The following GPM6A variants were observed in gnomAD, a reference collection of about 807,000 sequenced individuals.
GPM6A encodes the protein neuronal membrane glycoprotein M6-a.
GPM6A carries 7 observed loss-of-function variants against 32.1 expected under a neutral mutation model. That is an observed-to-expected ratio of 0.22 (90% CI 0.12 to 0.41). The LOEUF (loss-of-function observed/expected upper bound fraction) is 0.41. Ranked by LOEUF, GPM6A falls within the 10% of genes least tolerant of loss-of-function variation. GPM6A has a pLI of 1.00. For missense variants in GPM6A, 235 were observed against 347.2 expected, an observed-to-expected ratio of 0.68 and a Z score of 2.57; for synonymous variants, 130 against 123.4, an observed-to-expected ratio of 1.05 and a Z score of -0.35.
chr4:175,721,113 A>T (rs1379069979), intron 1 of GPM6A, among the ~76,000 whole-genome samples: 3 of 143,744 alleles, frequency 2.1e-5, no homozygotes, highest in Non-Finnish European at 3.0e-5. Flanking sequence ...ATATATATAT[A>T]TTTTCTATTT....
chr4:175,805,312 A>C (rs1190194693), intron 1 of GPM6A, among the ~76,000 whole-genome samples: 1 of 152,208 alleles, frequency 6.6e-6, no homozygotes, highest in Admixed American at 6.5e-5. Context: ...TCACCATTCA[A>C]ATAACCTTTC....
chr4:175,677,134 TTTG>T (rs1371830273), intron 2 of GPM6A, among the ~76,000 whole-genome samples: 6 of 152,268 alleles, frequency 3.9e-5, no homozygotes, highest in African/African-American at 9.6e-5. Flanking sequence ...AAAAACTGCA[TTTG>T]TTGTTGTTTT....
intron 1 of GPM6A, among the ~76,000 whole-genome samples, chr4:175,792,341 A>G (rs930032242): frequency 6.6e-6 from 1 of 152,166 alleles, no homozygotes; most frequent in African/African-American, 2.4e-5. Flanking sequence ...ATTTTATTCT[A>G]AAGTTTTACA....
At chr4:175,737,319 T>C (rs1406191599) in intron 1 of GPM6A, among the ~76,000 whole-genome samples, 2 of 151,934 alleles carry the variant, frequency 1.3e-5, no homozygotes, top group African/African-American at 4.8e-5. Flanking sequence ...CCTGCACGCC[T>C]ATAATCCTGC....
At chr4:175,829,078 C>A (rs6846507) in intron 1 of GPM6A, among the ~76,000 whole-genome samples, 123,931 of 152,004 alleles carry the variant, frequency 0.82, 52,397 homozygotes, top group Middle Eastern at 0.95. Context: ...CATGTGCCAG[C>A]GTGCAGCATG....
intron 1 of GPM6A, among the ~76,000 whole-genome samples, chr4:175,863,149 GTA>G (rs1348846989): frequency 6.6e-6 from 1 of 152,008 alleles, no homozygotes; most frequent in Non-Finnish European, 1.5e-5. Flanking sequence ...CTTCAAATGT[GTA>G]TGCATATATT....
intron 1 of GPM6A, chr4:175,906,731 T>A (rs1381393630): frequency 6.6e-6 from 1 of 152,180 alleles, no homozygotes; most frequent in Non-Finnish European, 1.5e-5. Flanking sequence ...CAAGCACATC[T>A]TTCCCTTCTC....
intron 1 of GPM6A, among the ~76,000 whole-genome samples, chr4:175,780,129 C>T (rs889678937): frequency 4.0e-5 from 6 of 151,298 alleles, no homozygotes; most frequent in African/African-American, 1.5e-4. Context: ...CTCACTGCAA[C>T]CTCCGCCTCC....
intron 1 of GPM6A, among the ~76,000 whole-genome samples, chr4:175,995,696 T>C (rs994691922): frequency 6.6e-6 from 1 of 152,206 alleles, no homozygotes; most frequent in Non-Finnish European, 1.5e-5. Context: ...TAAGGTATTT[T>C]AGCTAGGCAA....
At chr4:175,675,487 T>G (rs1560867959) in intron 2 of GPM6A, among the ~76,000 whole-genome samples, 1 of 152,094 alleles carries the variant, frequency 6.6e-6, no homozygotes, top group Non-Finnish European at 1.5e-5. Flanking sequence ...AATATATAAG[T>G]ACTTGTTGAT....
chr4:175,764,950 C>T (rs928704032), intron 1 of GPM6A, among the ~76,000 whole-genome samples: 29 of 151,366 alleles, frequency 1.9e-4, no homozygotes, highest in African/African-American at 6.3e-4. Flanking sequence ...CTCAGCTCAC[C>T]GCAAACTCTG....
chr4:175,936,306 C>CAAAAAA (rs35653197), intron 1 of GPM6A, among the ~76,000 whole-genome samples: 518 of 45,646 alleles, frequency 0.011, 62 homozygotes, highest in African/African-American at 0.02. Context: ...ACTCTGTCTC[C>CAAAAAA]AAAAAAAAAA....
chr4:175,740,510 C>T (rs1486571701), intron 1 of GPM6A, among the ~76,000 whole-genome samples: 1 of 151,892 alleles, frequency 6.6e-6, no homozygotes, highest in Non-Finnish European at 1.5e-5. Flanking sequence ...CTCTCATTTT[C>T]TGTTTTCTTA....
upstream of GPM6A, among the ~76,000 whole-genome samples, chr4:175,816,991 C>T (rs1735123455): frequency 6.6e-6 from 1 of 152,114 alleles, no homozygotes; most frequent in Non-Finnish European, 1.5e-5. Flanking sequence ...TCCCGAGGAG[C>T]TGGGACTACA....
intron 1 of GPM6A, chr4:175,872,876 A>G (rs908453553): frequency 4.6e-5 from 7 of 152,168 alleles, no homozygotes; most frequent in African/African-American, 1.7e-4. Flanking sequence ...CTTTCTAACA[A>G]GTCTTATTAG....
At chr4:175,853,053 T>C (rs1384799334) in intron 1 of GPM6A, among the ~76,000 whole-genome samples, 1 of 152,138 alleles carries the variant, frequency 6.6e-6, no homozygotes, top group Non-Finnish European at 1.5e-5. Flanking sequence ...TTTAGGGAAC[T>C]TGAATCCCAC....
chr4:175,972,919 G>A (rs1015920697), intron 1 of GPM6A, among the ~76,000 whole-genome samples: 10 of 152,168 alleles, frequency 6.6e-5, no homozygotes, highest in African/African-American at 2.4e-4. Flanking sequence ...GCAGTCAATA[G>A]TGCTGAGCAT....
chr4:175,677,001 T>A (rs1384936050), intron 2 of GPM6A, among the ~76,000 whole-genome samples: 2 of 152,322 alleles, frequency 1.3e-5, no homozygotes, highest in East Asian at 3.9e-4. Context: ...ACTTGTCAAA[T>A]TATTTAAGTA....
At chr4:175,710,044 C>G (rs1439277277) in intron 1 of GPM6A, among the ~76,000 whole-genome samples, 1 of 152,096 alleles carries the variant, frequency 6.6e-6, no homozygotes, top group Non-Finnish European at 1.5e-5. Context: ...TGCAACTCTG[C>G]TATGTTTCCA....
Sources: allele counts gnomAD v4.1 joint callset (sites outside exome capture counted in the v4.1 genomes callset), GRCh38; gene constraint gnomAD v4.1.1; transcripts MANE v1.5; gene names NCBI Gene and HGNC (gene_info 2026-07-23, HGNC 2026-07-21).